The following BCKDHB variants were observed in gnomAD, a reference collection of about 807,000 sequenced individuals.
BCKDHB encodes 2-oxoisovalerate dehydrogenase subunit beta, mitochondrial.
Under a neutral mutation model 48.5 loss-of-function variants are expected in BCKDHB, and 41 were observed. The observed-to-expected ratio is 0.85, with a 90% confidence interval of 0.66 to 1.10. The LOEUF (loss-of-function observed/expected upper bound fraction) is 1.10. Ranked by LOEUF, BCKDHB falls within the 50% of genes least tolerant of loss-of-function variation. The pLI, the probability that BCKDHB is intolerant of heterozygous loss-of-function variation, is 0.00. For synonymous variants in BCKDHB, 201 were observed against 174.8 expected, an observed-to-expected ratio of 1.15 and a Z score of -1.18; for missense variants, 496 against 494.2, an observed-to-expected ratio of 1.00 and a Z score of -0.03.
chr6:80,246,600 A>C (rs1226629354), intron 8 of BCKDHB, among the ~76,000 whole-genome samples: 1 of 152,194 alleles, frequency 6.6e-6, no homozygotes, highest in Non-Finnish European at 1.5e-5. Flanking sequence ...AGGGAAAGAC[A>C]GGGCAGTGTA....
chr6:80,459,179 C>A, the BCKDHB span, among the ~76,000 whole-genome samples: 277 of 152,232 alleles, frequency 1.8e-3, 1 homozygote, highest in African/African-American at 6.4e-3. Flanking sequence ...TATTAGCACT[C>A]CTGTGTTCAC....
At chr6:80,327,397 T>C (rs1769086198) in intron 9 of BCKDHB, among the ~76,000 whole-genome samples, 1 of 152,234 alleles carries the variant, frequency 6.6e-6, no homozygotes, top group African/African-American at 2.4e-5. Context: ...TTTTGCACCA[T>C]TGTAAAATCA....
At chr6:80,267,200 A>C (rs1298712968) in intron 8 of BCKDHB, among the ~76,000 whole-genome samples, 1 of 152,070 alleles carries the variant, frequency 6.6e-6, no homozygotes, top group African/African-American at 2.4e-5. Context: ...AGGATTAGAC[A>C]TATCTATACA....
At chr6:80,198,733 A>G (rs1239122107) in intron 6 of BCKDHB, among the ~76,000 whole-genome samples, 1 of 152,224 alleles carries the variant, frequency 6.6e-6, no homozygotes, top group Non-Finnish European at 1.5e-5. Flanking sequence ...AAAAGAAAAA[A>G]TATTATATAT....
At chr6:80,109,550 C>T (rs982904687) in intron 1 of BCKDHB, among the ~76,000 whole-genome samples, 1 of 152,086 alleles carries the variant, frequency 6.6e-6, no homozygotes, top group Non-Finnish European at 1.5e-5. Context: ...GATATTAATG[C>T]TAAAATTAGG....
the BCKDHB span, among the ~76,000 whole-genome samples, chr6:80,414,382 G>T: frequency 8.6e-5 from 13 of 152,038 alleles, no homozygotes; most frequent in South Asian, 2.1e-3. Context: ...CTATTTCCAG[G>T]ATGGTATTTT....
downstream of BCKDHB, among the ~76,000 whole-genome samples, chr6:80,350,230 C>G (rs1487111738): frequency 6.6e-6 from 1 of 151,972 alleles, no homozygotes; most frequent in African/African-American, 2.4e-5. Context: ...AGATTCTACT[C>G]AGAGGTAAAT....
At chr6:80,329,877 A>G (rs1769233772) in intron 9 of BCKDHB, among the ~76,000 whole-genome samples, 1 of 152,134 alleles carries the variant, frequency 6.6e-6, no homozygotes, top group Non-Finnish European at 1.5e-5. Context: ...GCACTCCTCA[A>G]ACACCTTCCC....
chr6:80,258,778 G>T (rs543283534), intron 8 of BCKDHB, among the ~76,000 whole-genome samples: 1 of 150,814 alleles, frequency 6.6e-6, no homozygotes, highest in Non-Finnish European at 1.5e-5. Flanking sequence ...CATTTTAGCA[G>T]CACTCATGCA....
intron 8 of BCKDHB, among the ~76,000 whole-genome samples, chr6:80,239,453 G>C (rs2127908335): frequency 6.6e-6 from 1 of 152,156 alleles, no homozygotes; most frequent in African/African-American, 2.4e-5. Flanking sequence ...GGGGTTGTTT[G>C]ATTTTTTCTT....
chr6:80,421,256 C>T, the BCKDHB span, among the ~76,000 whole-genome samples: 1 of 152,140 alleles, frequency 6.6e-6, no homozygotes. Context: ...GGCCTACTTC[C>T]CCTTTGCCTT....
chr6:80,207,382 G>T (rs1163651482), intron 8 of BCKDHB, among the ~76,000 whole-genome samples: 1 of 151,834 alleles, frequency 6.6e-6, no homozygotes, highest in Non-Finnish European at 1.5e-5. Context: ...TGTAACAACT[G>T]AAATAACAGG....
At chr6:80,175,421 C>T (rs1773104663) in intron 6 of BCKDHB, among the ~76,000 whole-genome samples, 1 of 152,162 alleles carries the variant, frequency 6.6e-6, no homozygotes, top group African/African-American at 2.4e-5. Flanking sequence ...GGACAACTAC[C>T]AGTCTCTACC....
the BCKDHB span, among the ~76,000 whole-genome samples, chr6:80,426,796 G>A: frequency 6.6e-6 from 1 of 152,056 alleles, no homozygotes; most frequent in Non-Finnish European, 1.5e-5. Context: ...GTATTCTACT[G>A]TTGTGTGAGA....
the BCKDHB span, among the ~76,000 whole-genome samples, chr6:80,351,569 T>C: frequency 6.6e-6 from 1 of 151,934 alleles, no homozygotes; most frequent in African/African-American, 2.4e-5. Context: ...GGTGAAGGAA[T>C]AGGTGACCAA....
At chr6:80,133,607 A>T (rs1770738490) in intron 3 of BCKDHB, among the ~76,000 whole-genome samples, 1 of 152,022 alleles carries the variant, frequency 6.6e-6, no homozygotes, top group Non-Finnish European at 1.5e-5. Context: ...TTTGTAGGGT[A>T]TGTGTGATTT....
At chr6:80,134,743 T>TTTTATTTATTTATTTA (rs369623862) in intron 3 of BCKDHB, among the ~76,000 whole-genome samples, 34 of 151,188 alleles carry the variant, frequency 2.2e-4, no homozygotes, top group South Asian at 8.5e-4. Context: ...TTTTGTTTTA[T>TTTTATTTATTTATTTA]TTTATTTATT....
chr6:80,132,829 G>A (rs936336958), intron 3 of BCKDHB, among the ~76,000 whole-genome samples: 4 of 152,008 alleles, frequency 2.6e-5, no homozygotes, highest in Non-Finnish European at 5.9e-5. Flanking sequence ...TAAAGGAAAG[G>A]GTGAAGAGAA....
chr6:80,368,873 C>T, the BCKDHB span, among the ~76,000 whole-genome samples: 9 of 151,882 alleles, frequency 5.9e-5, no homozygotes, highest in African/African-American at 9.7e-5. Flanking sequence ...ATTAGCCAGG[C>T]GTGGTGGCTC....
Sources: allele counts gnomAD v4.1 joint callset (sites outside exome capture counted in the v4.1 genomes callset), GRCh38; gene constraint gnomAD v4.1.1; transcripts MANE v1.5; gene names NCBI Gene and HGNC (gene_info 2026-07-23, HGNC 2026-07-21).